TADA2A: variants seen among roughly 807,000 people sequenced by gnomAD.
TADA2A encodes transcriptional adaptor 2A.
TADA2A carries 38 observed loss-of-function variants against 67.4 expected under a neutral mutation model. That is an observed-to-expected ratio of 0.56 (90% CI 0.44 to 0.74). The LOEUF is 0.74. Ranked by LOEUF, TADA2A falls within the 30% of genes least tolerant of loss-of-function variation. The probability of loss-of-function intolerance (pLI) is 0.00; values close to 1 mark genes in which losing one functional copy is unlikely to be tolerated. For synonymous variants in TADA2A, 192 were observed against 181.6 expected, an observed-to-expected ratio of 1.06 and a Z score of -0.46; for missense variants, 454 against 547.0, an observed-to-expected ratio of 0.83 and a Z score of 1.70.
rs754005263 is a variant in TADA2A, at chr17:37,467,518, T to G, written c.888T>G (p.Asn296Lys). Residue 296 changes from asparagine to lysine, a missense_variant, in exon 12 of 16, where the codon AAT (asparagine) becomes AAG (lysine). Physicochemically the swap from Asn to Lys is moderately conservative, Grantham distance 94. Transcript: ENST00000615182. ...LQEYRTAGIT[N>K]FCSARTYDHL... ...AATACAGGACAGCAGGCATTACCAATTTTTGTAGTAAGTATGCTTCAGCTA... is the reference window on the plus strand; with the variant it reads ...AATACAGGACAGCAGGCATTACCAAGTTTTGTAGTAAGTATGCTTCAGCTA... The G allele has an allele frequency of 1.6e-4, 264 of 1,613,282 alleles. No homozygotes were observed. The highest frequency in any genetic ancestry group is 2.2e-4 in the Non-Finnish European group (258 of 1,179,548).
chr17:37,424,360 T>G (rs74596741), intron 3 of TADA2A, among the ~76,000 whole-genome samples: 1 of 147,182 alleles, frequency 6.8e-6, no homozygotes. Context: ...AGGAGAATCT[T>G]TTTTTTTTTT....
chr17:37,427,562 CCA>C (rs1222495988), intron 4 of TADA2A, among the ~76,000 whole-genome samples: 1 of 152,178 alleles, frequency 6.6e-6, no homozygotes, highest in African/African-American at 2.4e-5. Context: ...AATTGTAATG[CCA>C]CACTTAAAGA....
At chr17:37,415,685 C>A (rs2052019578) in intron 2 of TADA2A, among the ~76,000 whole-genome samples, 1 of 148,924 alleles carries the variant, frequency 6.7e-6, no homozygotes, top group Admixed American at 6.6e-5. Flanking sequence ...CGAGACCAGC[C>A]TGACCACCAT....
intron 8 of TADA2A, among the ~76,000 whole-genome samples, chr17:37,446,121 G>T (rs62071237): frequency 9.7e-6 from 1 of 103,474 alleles, no homozygotes; most frequent in South Asian, 3.0e-4. Flanking sequence ...TTTTTTTTTG[G>T]CAACATTTTA....
chr17:37,423,403 C>T (rs1734765251), intron 2 of TADA2A, 106 bp from the exon 3 acceptor site: 1 of 834,720 alleles, frequency 1.2e-6, no homozygotes, highest in Non-Finnish European at 1.9e-6. Flanking sequence ...ATGAACTTTT[C>T]AGCTTAGCTC....
intron 8 of TADA2A, among the ~76,000 whole-genome samples, chr17:37,449,060 G>A (rs2522963): frequency 0.48 from 72,836 of 150,974 alleles, 18,310 homozygotes; most frequent in East Asian, 0.8. Context: ...TCGCTCTATC[G>A]CCTAGGCTGG....
At chr17:37,442,707 T>G in intron 7 of TADA2A, 55 bp downstream of exon 7, 1 of 1,532,818 alleles carries the variant, frequency 6.5e-7, no homozygotes, top group Non-Finnish European at 9.0e-7. Flanking sequence ...TTGTTTCTCA[T>G]GAGCCTTCTG....
intron 11 of TADA2A, 88 bp from the exon 12 acceptor site, chr17:37,467,366 A>G (rs1385550028): frequency 1.9e-6 from 2 of 1,049,112 alleles, no homozygotes; most frequent in East Asian, 2.5e-5. Flanking sequence ...ATAAGGCAGA[A>G]TTAATGAAAA....
chr17:37,437,479 G>A (rs567281037), intron 4 of TADA2A, among the ~76,000 whole-genome samples: 2 of 149,236 alleles, frequency 1.3e-5, no homozygotes, highest in Non-Finnish European at 3.0e-5. Context: ...CTCTGCTTCC[G>A]CAGTTCAAGT....
chr17:37,469,069 T>G (rs1330979065), intron 12 of TADA2A, among the ~76,000 whole-genome samples: 1 of 148,822 alleles, frequency 6.7e-6, no homozygotes, highest in Non-Finnish European at 1.5e-5. Context: ...CCCGGCTAAT[T>G]TTTTTTTTTG....
At chr17:37,440,406 T>C (rs557779288) in intron 5 of TADA2A, 99 bp from the exon 6 acceptor site, 1 of 1,351,206 alleles carries the variant, frequency 7.4e-7, no homozygotes, top group South Asian at 1.4e-5. Flanking sequence ...GAGAGTATAT[T>C]ATATGGATGT....
chr17:37,440,231 G>A (rs920401080), intron 5 of TADA2A, among the ~76,000 whole-genome samples: 4 of 152,010 alleles, frequency 2.6e-5, no homozygotes, highest in African/African-American at 4.8e-5. Context: ...GTGAGCCACT[G>A]CGCCTGGCCT....
Position 37,467,491 on chromosome 17 carries a change from A to G in TADA2A, c.861A>G (p.Gln287=). ...TCCGAAGGGAAATCAAGAGGCTCCA[A>G]GAATACAGGACAGCAGGCATTACCA... The part of the protein sequence containing the change: ...FELRREIKRL[Q]EYRTAGITNF... The change falls in exon 12 of 16, where the codon CAA becomes CAG. Residue 287 remains glutamine (Q), a synonymous_variant. Transcript: ENST00000615182. The G allele has an allele frequency of 1.2e-6, 2 of 1,614,132 alleles. No individual in the cohort carries two copies. The highest frequency in any genetic ancestry group is 1.7e-6 in the Non-Finnish European group (2 of 1,179,996).
intron 1 of TADA2A, chr17:37,408,481 C>T (rs2051728578): frequency 6.6e-6 from 1 of 152,366 alleles, no homozygotes; most frequent in East Asian, 1.9e-4. Flanking sequence ...GAACTGCCGA[C>T]TTCAGGTGAT....
intron 8 of TADA2A, among the ~76,000 whole-genome samples, chr17:37,446,340 C>T (rs1402405326): frequency 6.6e-6 from 1 of 152,052 alleles, no homozygotes; most frequent in Non-Finnish European, 1.5e-5. Context: ...TGCAGACTGC[C>T]ATTCATAGAC....
rs1174016750 is a variant in TADA2A, at chr17:37,465,549, G to GT, written c.823+13dup. On this transcript the variant is annotated intron_variant, in intron 11 of 15. Transcript: ENST00000615182. ...TCATTGAAAGCCATGCATGTAGGTG[G>GT]TTTTTGAGCCTTGAGCAGTATTTGT... 1 of 1,613,982 alleles carries GT rather than the reference G, an allele frequency of 6.2e-7. No homozygotes were observed. The highest frequency in any genetic ancestry group is 8.5e-7 in the Non-Finnish European group (1 of 1,180,034).
chr17:37,427,130 C>G, intron 4 of TADA2A, 121 bp downstream of exon 4: 1 of 726,490 alleles, frequency 1.4e-6, no homozygotes, highest in Non-Finnish European at 2.1e-6. Context: ...TTTTCTTAAT[C>G]TCTGAGTATC....
chr17:37,425,825 T>A (rs552775616), intron 3 of TADA2A, among the ~76,000 whole-genome samples: 2 of 151,364 alleles, frequency 1.3e-5, no homozygotes, highest in East Asian at 3.9e-4. Context: ...ATTTTTTTTT[T>A]TTTTTTTTTT....
intron 2 of TADA2A, among the ~76,000 whole-genome samples, chr17:37,412,591 C>T (rs2051911628): frequency 6.6e-6 from 1 of 152,044 alleles, no homozygotes; most frequent in Non-Finnish European, 1.5e-5. Context: ...TGAGACCAGC[C>T]TGGCCAACAA....
Sources: gnomAD v4.1 joint callset for allele counts (sites outside exome capture counted in the v4.1 genomes callset) on GRCh38, gnomAD v4.1.1 for gene constraint, MANE v1.5 for transcripts, NCBI Gene and HGNC (gene_info 2026-07-23, HGNC 2026-07-21) for gene names.